PRRC2B: variants seen among roughly 807,000 people sequenced by gnomAD.
The protein encoded by PRRC2B is protein PRRC2B.
PRRC2B carries 68 observed loss-of-function variants against 242.3 expected under a neutral mutation model. The observed-to-expected ratio is 0.28, with a 90% CI of 0.23 to 0.34. The LOEUF (loss-of-function observed/expected upper bound fraction) is 0.34, where lower values mean the gene tolerates loss of function less well. Ranked by LOEUF, PRRC2B falls within the 10% of genes least tolerant of loss-of-function variation. The pLI is 1.00. For missense variants in PRRC2B, 2,835 were observed against 2,954.8 expected, an observed-to-expected ratio of 0.96 and a Z score of 0.94; for synonymous variants, 1,228 against 1,173.6, an observed-to-expected ratio of 1.05 and a Z score of -0.95.
At chr9:131,442,193 T>G (rs1449532477) in intron 5 of PRRC2B, among the ~76,000 whole-genome samples, 1 of 151,624 alleles carries the variant, frequency 6.6e-6, no homozygotes, top group Non-Finnish European at 1.5e-5. Context: ...AGTGCAGTAG[T>G]GCAGTTTTGG....
intron 1 of PRRC2B, among the ~76,000 whole-genome samples, chr9:131,396,720 T>G (rs971342784): frequency 1.3e-5 from 2 of 152,156 alleles, no homozygotes; most frequent in Admixed American, 1.3e-4. Flanking sequence ...TGTTTTGCTA[T>G]GGTGACTATC....
intron 1 of PRRC2B, among the ~76,000 whole-genome samples, chr9:131,417,153 TC>T (rs1256953107): frequency 1.3e-5 from 2 of 152,052 alleles, no homozygotes; most frequent in Non-Finnish European, 2.9e-5. Context: ...ATATAGGTTT[TC>T]TTTCTCTGGG....
In PRRC2B at chr9:131,444,508, G is replaced by T. The variant is rs111953704; in HGVS notation, c.613+180G>T. Reference sequence around the variant, plus strand: ...GACTTGCTGCCTAGGCCATTGGATTGGGCCTTGTGCCTTTTTTGTCTCTTG... The same window carrying T: ...GACTTGCTGCCTAGGCCATTGGATTTGGCCTTGTGCCTTTTTTGTCTCTTG... On this transcript the variant is annotated intron_variant, in intron 6 of 31. Transcript: ENST00000683519. 7.6e-3 allele frequency among the ~76,000 whole-genome samples: 1,154 copies of T among 152,260 alleles called. 15 individuals are homozygous for T. The highest frequency in any genetic ancestry group is 0.025 in the African/African-American group (1,055 of 41,544).
intron 15 of PRRC2B, 150 bp from the exon 16 acceptor site, chr9:131,474,304 G>GT: frequency 1.4e-6 from 1 of 690,000 alleles, no homozygotes; most frequent in Non-Finnish European, 2.3e-6. Flanking sequence ...TTTGGTTGTT[G>GT]TTTTTTGTTT....
chr9:131,498,971 GTT>G lies in PRRC2B; in HGVS notation c.*3102_*3103del, dbSNP rs980320002. On this transcript the variant is annotated 3_prime_UTR_variant, in exon 32 of 32. Coordinates refer to ENST00000683519, the MANE Select transcript of PRRC2B (RefSeq NM_013318.4). ...TTAACTGTTGGCTTCTCCCCACAGC[GTT>G]TTTTGTTTTTTTTTAAACATTCATA... The G allele has an allele frequency of 6.6e-6, 1 of 152,026 alleles. No individual in the cohort carries two copies. Among genetic ancestry groups the G allele is most frequent in the Non-Finnish European group, 1.5e-5 (1 of 68,002 alleles). 9.4% of individuals were successfully genotyped at this position (152,026 alleles called of 1,614,324 possible). A position where few individuals can be genotyped will look rare whatever the true frequency, so the allele number is the denominator to read the frequency against.
At chr9:131,420,687 G>A (rs530115707) in intron 1 of PRRC2B, among the ~76,000 whole-genome samples, 20 of 150,838 alleles carry the variant, frequency 1.3e-4, no homozygotes, top group African/African-American at 4.9e-4. Context: ...TCAGGGTGTC[G>A]CCATGTTGGC....
intron 1 of PRRC2B, among the ~76,000 whole-genome samples, chr9:131,378,359 AG>A (rs1298648063): frequency 6.6e-6 from 1 of 150,942 alleles, no homozygotes; most frequent in African/African-American, 2.4e-5. Flanking sequence ...TCACAAAGGC[AG>A]GGGGTGCTCC....
chr9:131,478,649 G>GGGGGGGGGGCCCCCGGGGC, intron 18 of PRRC2B, 30 bp downstream of exon 18: 1 of 504,548 alleles, frequency 2.0e-6, no homozygotes, highest in Non-Finnish European at 4.0e-6. Context: ...GGGGCATGGG[G>GGGGGGGGGGCCCCCGGGGC]CTGGAGGGCA....
chr9:131,481,621 A>T, intron 19 of PRRC2B, 105 bp from the exon 20 acceptor site: 1 of 873,636 alleles, frequency 1.1e-6, no homozygotes, highest in Non-Finnish European at 1.8e-6. Context: ...GAGGCAGGGG[A>T]GTTGGATTTC....
At chr9:131,474,408 A>G (rs1943629852) in intron 15 of PRRC2B, 46 bp from the exon 16 acceptor site, 1 of 1,508,806 alleles carries the variant, frequency 6.6e-7, no homozygotes, top group Admixed American at 2.0e-5. Flanking sequence ...GGAAACCAGG[A>G]ACCAGGCTCC....
At chr9:131,456,028 G>A (rs1024864904) in intron 10 of PRRC2B, among the ~76,000 whole-genome samples, 1 of 152,066 alleles carries the variant, frequency 6.6e-6, no homozygotes, top group African/African-American at 2.4e-5. Flanking sequence ...CAGGAGAATT[G>A]CTTGAACCCA....
At chr9:131,444,901 G>T (rs1278800906) in intron 6 of PRRC2B, among the ~76,000 whole-genome samples, 1 of 152,202 alleles carries the variant, frequency 6.6e-6, no homozygotes, top group African/African-American at 2.4e-5. Context: ...GCCGAGGGTG[G>T]CTGGAGGTTA....
At chr9:131,394,018 A>G (rs1053411235), upstream of PRRC2B, 2 of 146,678 alleles carry the variant, frequency 1.4e-5, no homozygotes, top group Non-Finnish European at 3.0e-5. Flanking sequence ...CGGCGGGAGG[A>G]GGAGGACGAG....
chr9:131,476,507 C>T lies in PRRC2B; in HGVS notation c.4378C>T (p.Gln1460Ter). The T allele has an allele frequency of 6.2e-7, 1 of 1,601,512 alleles. No homozygotes were observed. The highest frequency in any genetic ancestry group is 8.5e-7 in the Non-Finnish European group (1 of 1,173,962). Residue 1460 changes from glutamine to a stop codon, truncating the protein, a stop_gained, in exon 16 of 32, where the codon CAG (glutamine) becomes TAG (stop). Coordinates refer to ENST00000683519, the MANE Select transcript of PRRC2B (RefSeq NM_013318.4). LOFTEE classifies it high-confidence loss of function. The stretch of plus-strand genomic sequence containing the variant: ...CACCTCCCCTCGCTATGAGAGCCAA[C>T]AGAATGGGACGCCTTTGAAAGTGAA... ...GDTSPRYESQ[Q>*]NGTPLKVKRS...
intron 1 of PRRC2B, among the ~76,000 whole-genome samples, chr9:131,405,690 G>A (rs1207589009): frequency 2.0e-5 from 3 of 152,156 alleles, no homozygotes; most frequent in African/African-American, 7.2e-5. Flanking sequence ...AAGAGGAGGT[G>A]CGGTTTGGAA....
intron 1 of PRRC2B, among the ~76,000 whole-genome samples, chr9:131,421,547 G>T (rs1268076239): frequency 6.6e-6 from 1 of 152,192 alleles, no homozygotes; most frequent in Non-Finnish European, 1.5e-5. Context: ...CTAGCAGTGG[G>T]ATCTTTCCGT....
At chr9:131,407,803 G>GGA (rs1248636139) in intron 1 of PRRC2B, among the ~76,000 whole-genome samples, 9 of 152,344 alleles carry the variant, frequency 5.9e-5, no homozygotes, top group Middle Eastern at 3.4e-3. Flanking sequence ...GGTAGAGTGA[G>GGA]GAGGGCACTG....
At chr9:131,417,016 T>C (rs561965238) in intron 1 of PRRC2B, among the ~76,000 whole-genome samples, 2 of 152,332 alleles carry the variant, frequency 1.3e-5, no homozygotes, top group East Asian at 1.9e-4. Context: ...TGTCTGTCTT[T>C]TAGTTGGTCA....
At chr9:131,468,945 G>C (rs572263299) in intron 13 of PRRC2B, among the ~76,000 whole-genome samples, 1 of 152,136 alleles carries the variant, frequency 6.6e-6, no homozygotes, top group African/African-American at 2.4e-5. Flanking sequence ...ATTACTGATG[G>C]GGGAGAGCTC....
Sources: gnomAD v4.1 joint callset for allele counts (sites outside exome capture counted in the v4.1 genomes callset) on GRCh38, gnomAD v4.1.1 for gene constraint, MANE v1.5 for transcripts, NCBI Gene and HGNC (gene_info 2026-07-23, HGNC 2026-07-21) for gene names.